Variants in PCDHGA1 observed in about 807,000 individuals in gnomAD.
PCDHGA1 encodes protocadherin gamma-A1.
Under a neutral mutation model 58.0 loss-of-function variants are expected in PCDHGA1, and 32 were observed. The observed-to-expected ratio is 0.55, with a 90% confidence interval of 0.42 to 0.74. The LOEUF (loss-of-function observed/expected upper bound fraction) is 0.74, where lower values mean the gene tolerates loss of function less well. PCDHGA1 is among the 30% of genes least tolerant of loss of function. The probability of loss-of-function intolerance (pLI) is 0.00; values close to 1 mark genes in which losing one functional copy is unlikely to be tolerated. For missense variants in PCDHGA1, 1,205 were observed against 1,182.3 expected (o/e 1.02, Z -0.28); for synonymous variants, 498 against 501.1 (o/e 0.99, Z 0.08).
In PCDHGA1 at chr5:141,413,494, G is replaced by A. The variant is rs778441176; in HGVS notation, c.2421+80389G>A. The A allele has an allele frequency of 2.5e-5, 41 of 1,613,924 alleles. No homozygotes were observed. Among genetic ancestry groups the A allele is most frequent in the Non-Finnish European group, 3.1e-5 (37 of 1,179,948 alleles). On this transcript the variant is annotated intron_variant, in intron 1 of 3. Transcript: ENST00000517417. Reference sequence around the variant, plus strand: ...GCTCTGCGCTCAGAGCGCGCGGTGCGTGGTGAGTTTTAATATCCTTGTGGA... The same window carrying A: ...GCTCTGCGCTCAGAGCGCGCGGTGCATGGTGAGTTTTAATATCCTTGTGGA...
chr5:141,403,343 C>T (rs774711306), intron 1 of PCDHGA1: 10 of 1,614,000 alleles, frequency 6.2e-6, no homozygotes, highest in Admixed American at 1.7e-5. Context: ...CGACAGCGCC[C>T]CAAAGTTCCA....
At chr5:141,438,649 CACAT>C (rs2098044358) in intron 1 of PCDHGA1, among the ~76,000 whole-genome samples, 1 of 100,976 alleles carries the variant, frequency 9.9e-6, no homozygotes, top group Non-Finnish European at 2.0e-5. Context: ...CACACACACA[CACAT>C]ATATGTATAT....
At chr5:141,404,776 A>G (rs2094566348) in intron 1 of PCDHGA1, 1 of 1,612,952 alleles carries the variant, frequency 6.2e-7, no homozygotes, top group Non-Finnish European at 8.5e-7. Flanking sequence ...CCTACCGCCT[A>G]TTCAAGGCCA....
intron 1 of PCDHGA1, chr5:141,427,240 C>G (rs1447231420): frequency 1.3e-5 from 6 of 456,536 alleles, no homozygotes; most frequent in Non-Finnish European, 2.6e-5. Context: ...AGAGTAGAAG[C>G]TAAGGATGGT....
intron 1 of PCDHGA1, chr5:141,361,193 C>G (rs1588559519): frequency 6.2e-7 from 1 of 1,613,962 alleles, no homozygotes; most frequent in East Asian, 2.2e-5. Context: ...ACTTCAGTAT[C>G]TACTCCCCTA....
chr5:141,343,254 T>C, intron 1 of PCDHGA1: 1 of 937,438 alleles, frequency 1.1e-6, no homozygotes, highest in Non-Finnish European at 1.3e-6. Context: ...CGAAACTAAG[T>C]TATCAGGTCA....
At chr5:141,406,371 C>T (rs893677721) in intron 1 of PCDHGA1, among the ~76,000 whole-genome samples, 1 of 152,154 alleles carries the variant, frequency 6.6e-6, no homozygotes, top group African/African-American at 2.4e-5. Context: ...TAAGGGTAAA[C>T]TGATAAAAAG....
At chr5:141,380,525 A>T (rs904711647) in intron 1 of PCDHGA1, among the ~76,000 whole-genome samples, 3 of 152,206 alleles carry the variant, frequency 2.0e-5, no homozygotes, top group Non-Finnish European at 1.5e-5. Context: ...CTATGAAATG[A>T]TTTCAATTTG....
chr5:141,494,528 G>A lies in PCDHGA1; in HGVS notation c.2422-279G>A, dbSNP rs189993899. On this transcript the variant is annotated intron_variant, in intron 1 of 3. Coordinates refer to ENST00000517417, the MANE Select transcript of PCDHGA1 (RefSeq NM_018912.3). ...ATTTTGGCTCAGGAGTTCTGACTCTGGGGGCAGGGAGGAAGGGGCCATTTC... is the reference window on the plus strand; with the variant it reads ...ATTTTGGCTCAGGAGTTCTGACTCTAGGGGCAGGGAGGAAGGGGCCATTTC... 3.0e-4 allele frequency among the ~76,000 whole-genome samples: 45 copies of A among 152,274 alleles called. 1 individual carries two copies. Among genetic ancestry groups the A allele is most frequent in the African/African-American group, 1.0e-3 (42 of 41,542 alleles).
At chr5:141,478,247 G>T in intron 1 of PCDHGA1, 1 of 1,614,076 alleles carries the variant, frequency 6.2e-7, no homozygotes, top group Non-Finnish European at 8.5e-7. Context: ...CACAGTGTTC[G>T]GAGTAATCAT....
chr5:141,455,852 T>C (rs2154565235), intron 1 of PCDHGA1, among the ~76,000 whole-genome samples: 1 of 148,622 alleles, frequency 6.7e-6, no homozygotes, highest in South Asian at 2.1e-4. Context: ...CATAAAATAA[T>C]TTCTTTTATT....
chr5:141,404,358 C>T (rs746085915), intron 1 of PCDHGA1: 19 of 1,613,846 alleles, frequency 1.2e-5, no homozygotes, highest in Non-Finnish European at 1.6e-5. Context: ...GCCAGAGGTA[C>T]TTCCATCTTC....
intron 1 of PCDHGA1, among the ~76,000 whole-genome samples, chr5:141,358,994 G>A (rs1588537636): frequency 6.6e-6 from 1 of 152,222 alleles, no homozygotes; most frequent in Admixed American, 6.5e-5. Context: ...GAATGCATAT[G>A]CTTACACAAA....
At position 141,427,779 on chromosome 5, in the gene PCDHGA1, C is replaced by T. The variant is rs1196661076; in HGVS notation, c.2422-67028C>T. On this transcript the variant is annotated intron_variant, in intron 1 of 3. Transcript: ENST00000517417. Reference sequence around the variant, plus strand: ...TACCACTGACTTGGAGCTGCGGGCACTGTCGTCCTACGTGTCCGTGAGCGC... The same window carrying T: ...TACCACTGACTTGGAGCTGCGGGCATTGTCGTCCTACGTGTCCGTGAGCGC... 2.1e-6 allele frequency: 3 copies of T among 1,454,498 alleles called. No individual in the cohort carries two copies. The East Asian group carries it at 6.8e-5, about 33-fold the overall frequency. The allele number at this position is 1,454,498 out of a possible 1,614,324, so 90.1% of individuals were successfully genotyped here. A position where few individuals can be genotyped will look rare whatever the true frequency, so the allele number is the denominator to read the frequency against.
intron 1 of PCDHGA1, chr5:141,396,060 G>C (rs1309175410): frequency 6.6e-6 from 1 of 152,200 alleles, no homozygotes; most frequent in African/African-American, 2.4e-5. Flanking sequence ...CCAATTAGCT[G>C]TTTCGGTTGT....
Position 141,510,362 on chromosome 5 carries a change from C to T in PCDHGA1, c.2570-585C>T, listed in dbSNP as rs74321279. Among the ~76,000 whole-genome samples the T allele has an allele frequency of 2.0e-4, 29 of 142,136 alleles. No homozygotes were observed. In the East Asian group the frequency reaches 5.7e-3, roughly 28 times the overall value. The allele number at this position is 142,136 out of a possible 152,430, so 93.2% of individuals were successfully genotyped here. A position where few individuals can be genotyped will look rare whatever the true frequency, so the allele number is the denominator to read the frequency against. On this transcript the variant is annotated intron_variant, in intron 3 of 3. Coordinates refer to ENST00000517417, the MANE Select transcript of PCDHGA1 (RefSeq NM_018912.3). ...CCCACACACTTACTAACGGAACTAC[C>T]GAATCTCTACTCGTGCCAGGCCTTG... is the stretch of plus-strand genomic sequence containing the variant.
Position 141,332,238 on chromosome 5 carries a change from A to C in PCDHGA1, c.1554A>C (p.Arg518=). ...ACACTGGGGTCCTGTATGCGCTGCG[A>C]TCCTTCGACTATGAGCAGTTCCGGG... ...NSDTGVLYAL[R]SFDYEQFRDM... The change falls in exon 1 of 4, where the codon CGA becomes CGC. Residue 518 remains arginine (R), a synonymous_variant. Coordinates refer to ENST00000517417, the MANE Select transcript of PCDHGA1 (RefSeq NM_018912.3). The surrounding 1 kb of genome is among the most constrained non-coding windows in gnomAD (Gnocchi z 4.6). 1 of 1,614,178 alleles carries C rather than the reference A, an allele frequency of 6.2e-7. No individual in the cohort carries two copies. Among genetic ancestry groups the C allele is most frequent in the East Asian group, 2.2e-5 (1 of 44,886 alleles).
chr5:141,492,458 G>A (rs1333043781), intron 1 of PCDHGA1, among the ~76,000 whole-genome samples: 1 of 152,230 alleles, frequency 6.6e-6, no homozygotes, highest in Non-Finnish European at 1.5e-5. Flanking sequence ...GTGCGCGCCT[G>A]AGGGTCCCAG....
intron 3 of PCDHGA1, among the ~76,000 whole-genome samples, chr5:141,509,262 ACT>A (rs761383166): frequency 9.2e-5 from 14 of 151,714 alleles, no homozygotes; most frequent in Non-Finnish European, 1.9e-4. Flanking sequence ...GGCTTTAGTC[ACT>A]CTCGCTACCC....
Sources: gnomAD v4.1 joint callset for allele counts (sites outside exome capture counted in the v4.1 genomes callset) on GRCh38, gnomAD v4.1.1 for gene constraint, Gnocchi (gnomAD v3.1) non-coding constraint, MANE v1.5 for transcripts, NCBI Gene and HGNC (gene_info 2026-07-23, HGNC 2026-07-21) for gene names.